PCNT: variants seen among roughly 807,000 people sequenced by gnomAD.
PCNT encodes the protein pericentrin, also known as kendrin.
A neutral mutation model predicts 380.4 loss-of-function variants in PCNT; 319 were observed. The ratio of observed to expected loss-of-function variants is 0.84; its 90% CI spans 0.77 to 0.92. The LOEUF (loss-of-function observed/expected upper bound fraction) is 0.92, where lower values mean the gene tolerates loss of function less well. PCNT is among the 40% of genes least tolerant of loss of function. The pLI is 0.00. For synonymous variants in PCNT, 1,845 were observed against 1,735.2 expected, an observed-to-expected ratio of 1.06 and a Z score of -1.57; for missense variants, 4,400 against 4,255.3, an observed-to-expected ratio of 1.03 and a Z score of -0.95.
intron 37 of PCNT, chr21:46,430,956 C>CA: frequency 1.0e-6 from 1 of 985,398 alleles, no homozygotes; most frequent in Non-Finnish European, 1.2e-6. Context: ...GGCATCCAGA[C>CA]AGAGCACAGC....
At position 46,386,642 on chromosome 21, in the gene PCNT, G is replaced by A. The variant is rs537593201; in HGVS notation, c.3464+659G>A. 3.5e-4 allele frequency among the ~76,000 whole-genome samples: 53 copies of A among 152,344 alleles called. 1 individual carries two copies. Among genetic ancestry groups the A allele is most frequent in the Admixed American group, 2.9e-3 (45 of 15,306 alleles). ...TTGGTGCCTCCTCACCTGCAGTGAT[G>A]CTGTCCAGCAGGCTTGTCTGCCCTT... On this transcript the variant is annotated intron_variant, in intron 17 of 46. Coordinates refer to ENST00000359568, the MANE Select transcript of PCNT (RefSeq NM_006031.6).
intron 7 of PCNT, 95 bp downstream of exon 7, chr21:46,349,281 A>G: frequency 9.6e-7 from 1 of 1,036,560 alleles, no homozygotes; most frequent in South Asian, 1.3e-5. Flanking sequence ...GTCATTGCGC[A>G]CGTTTCCTAC....
In PCNT at chr21:46,385,995, C is replaced by T; in HGVS notation, c.3464+12C>T. ...TCCCACAGCGAAAGGTCAGTGTGTC[C>T]TCGGCACCGAGGCTGCCTTGTGGCC... On this transcript the variant is annotated intron_variant, in intron 17 of 46. Transcript: ENST00000359568. 1.9e-6 allele frequency: 3 copies of T among 1,613,750 alleles called. No individual in the cohort carries two copies. Among genetic ancestry groups the T allele is most frequent in the Non-Finnish European group, 2.5e-6 (3 of 1,179,964 alleles).
At chr21:46,403,639 A>G (rs1397474688) in intron 27 of PCNT, among the ~76,000 whole-genome samples, 100 of 87,332 alleles carry the variant, frequency 1.1e-3, no homozygotes, top group Middle Eastern at 0.015. Context: ...CCCACGTGGC[A>G]CATGCTCGGT....
At chr21:46,359,093 C>T (rs2084590692) in intron 13 of PCNT, among the ~76,000 whole-genome samples, 1 of 152,130 alleles carries the variant, frequency 6.6e-6, no homozygotes, top group African/African-American at 2.4e-5. Context: ...CAGGTGTGAG[C>T]CACCGCACCC....
At chr21:46,405,317 C>T (rs947476710) in intron 27 of PCNT, among the ~76,000 whole-genome samples, 1 of 152,222 alleles carries the variant, frequency 6.6e-6, no homozygotes, top group Admixed American at 6.5e-5. Context: ...TTGACAGAGG[C>T]TACTGAGATG....
chr21:46,353,702 G>A (rs2146663292), intron 10 of PCNT, among the ~76,000 whole-genome samples: 1 of 148,998 alleles, frequency 6.7e-6, no homozygotes, highest in South Asian at 2.2e-4. Flanking sequence ...GGTGGCAGGG[G>A]CACTCTCCTC....
chr21:46,358,443 G>T (rs1482464965), intron 13 of PCNT, among the ~76,000 whole-genome samples: 4 of 152,204 alleles, frequency 2.6e-5, no homozygotes, highest in Non-Finnish European at 4.4e-5. Flanking sequence ...GCAGGTGTTG[G>T]TAAGGACTTC....
chr21:46,348,836 T>G, intron 6 of PCNT, among the ~76,000 whole-genome samples, 176 bp from the exon 7 acceptor site: 1 of 151,686 alleles, frequency 6.6e-6, no homozygotes, highest in Non-Finnish European at 1.5e-5. Flanking sequence ...CCCGGGCTGG[T>G]CTGTAACCCT....
At chr21:46,358,523 T>A (rs1465338514) in intron 13 of PCNT, among the ~76,000 whole-genome samples, 1 of 152,206 alleles carries the variant, frequency 6.6e-6, no homozygotes, top group East Asian at 1.9e-4. Flanking sequence ...GATGGTCATG[T>A]GCCAATGGCA....
chr21:46,381,759 T>A lies in PCNT; in HGVS notation c.3231T>A (p.Ser1077Arg), dbSNP rs557885700. The change falls in exon 16 of 47, where the codon AGT becomes AGA. Residue 1077 changes from serine (S) to arginine (R), a missense_variant. Coordinates refer to ENST00000359568, the MANE Select transcript of PCNT (RefSeq NM_006031.6). Reference protein sequence around the residue: ...HEKEETLRLQSAQAQPFHQEE... With the variant: ...HEKEETLRLQRAQAQPFHQEE... ...AAGAGGAGACACTTCGGCTTCAGAG[T>A]GCACAGGCACAGCCTTTTCACCAAG... is the stretch of plus-strand genomic sequence containing the variant. 6.2e-7 allele frequency: 1 copy of A among 1,614,188 alleles called. No individual in the cohort carries two copies. Among genetic ancestry groups the A allele is most frequent in the South Asian group, 1.1e-5 (1 of 91,086 alleles).
chr21:46,403,378 G>T (rs2086500323), intron 27 of PCNT, among the ~76,000 whole-genome samples: 1 of 146,676 alleles, frequency 6.8e-6, no homozygotes, highest in Admixed American at 6.8e-5. Flanking sequence ...CACAGCGTGG[G>T]AGAATTGTGT....
chr21:46,387,871 G>C (rs9306152), intron 17 of PCNT, among the ~76,000 whole-genome samples: 38,528 of 151,868 alleles, frequency 0.25, 6,602 homozygotes, highest in African/African-American at 0.49. Flanking sequence ...TGCAGGGAGC[G>C]AGATGTGGAG....
chr21:46,366,718 T>C lies in PCNT; in HGVS notation c.2744T>C (p.Val915Ala), dbSNP rs1432167959. 6.2e-7 allele frequency: 1 copy of C among 1,613,648 alleles called. No homozygotes were observed. The highest frequency in any genetic ancestry group is 8.5e-7 in the Non-Finnish European group (1 of 1,180,038). ...AGACACCAGCAGCAGCTCCTGTCAG[T>C]GACGGCGGAGCTCGAGGCCAGACAC... Reference protein sequence around the residue: ...QERHQQQLLSVTAELEARHQA... With the variant: ...QERHQQQLLSATAELEARHQA... Residue 915 changes from valine (V) to alanine (A), a missense_variant, in exon 15 of 47, where the codon GTG becomes GCG. Val to Ala is a moderately conservative substitution (Grantham distance 64, BLOSUM62 0). Coordinates refer to ENST00000359568, the MANE Select transcript of PCNT (RefSeq NM_006031.6).
chr21:46,366,432 T>G, intron 14 of PCNT, 152 bp from the exon 15 acceptor site: 2 of 705,052 alleles, frequency 2.8e-6, no homozygotes. Flanking sequence ...TTTCTGGTGG[T>G]CGAGGGAAAA....
chr21:46,340,723 G>A (rs2146458063), intron 3 of PCNT, among the ~76,000 whole-genome samples: 1 of 152,294 alleles, frequency 6.6e-6, no homozygotes, highest in East Asian at 1.9e-4. Context: ...AGACTGGAGT[G>A]TAATGGTGTG....
chr21:46,384,924 G>A (rs557154057), intron 16 of PCNT, among the ~76,000 whole-genome samples: 12 of 152,372 alleles, frequency 7.9e-5, no homozygotes, highest in African/African-American at 2.9e-4. Context: ...GCGTAGTTCA[G>A]TGGTGCAGGC....
At chr21:46,382,369 A>G (rs1405292149) in intron 16 of PCNT, among the ~76,000 whole-genome samples, 2 of 144,334 alleles carry the variant, frequency 1.4e-5, no homozygotes, top group Admixed American at 7.0e-5. Flanking sequence ...AGTGTTGTAT[A>G]TTCAGTGACG....
chr21:46,399,874 A>G (rs1601963038), intron 25 of PCNT, 78 bp downstream of exon 25: 1 of 1,277,680 alleles, frequency 7.8e-7, no homozygotes, highest in South Asian at 1.2e-5. Flanking sequence ...GCTGGCAGGG[A>G]GTGGGCAGGG....
Sources: allele counts gnomAD v4.1 joint callset (sites outside exome capture counted in the v4.1 genomes callset), GRCh38; gene constraint gnomAD v4.1.1; transcripts MANE v1.5; gene names NCBI Gene and HGNC (gene_info 2026-07-23, HGNC 2026-07-21).